DMD: variants seen among roughly 807,000 people sequenced by gnomAD.
DMD encodes the protein mutant dystrophin.
A neutral mutation model predicts 330.1 loss-of-function variants in DMD; 63 were observed. That is an observed-to-expected ratio of 0.19 (90% CI 0.16 to 0.24). DMD has a LOEUF of 0.24. DMD is among the 10% of genes least tolerant of loss of function. The pLI is 1.00. For missense variants in DMD, 3,344 were observed against 2,684.1 expected (o/e 1.25, Z -5.43); for synonymous variants, 1,223 against 959.8 (o/e 1.27, Z -5.07).
Position 31,445,396 on chromosome X carries a change from GAATATATATTCTTA to G in DMD, c.8938-783_8938-770del, listed in dbSNP as rs1209759076. On this transcript the variant is annotated intron_variant, in intron 59 of 78. Transcript: ENST00000357033. The stretch of plus-strand genomic sequence containing the variant: ...CTATATGCAGGTTTGCCTGCCTCTA[GAATATATATTCTTA>G]ACTATTATGTTATATGCTTCCCCTA... Among the ~76,000 whole-genome samples, 3 of 111,585 alleles carry G rather than the reference GAATATATATTCTTA, an allele frequency of 2.7e-5. No homozygotes were observed. The East Asian group carries it at 8.4e-4, about 31-fold the overall frequency.
chrX:32,636,275 G>A (rs966812947), intron 11 of DMD, among the ~76,000 whole-genome samples: 1 of 111,663 alleles, frequency 9.0e-6, no homozygotes, highest in African/African-American at 3.3e-5. Context: ...CCCACTAATT[G>A]CCATAGTTAT....
intron 25 of DMD, among the ~76,000 whole-genome samples, chrX:32,461,605 T>A (rs924950055): frequency 4.5e-5 from 5 of 110,693 alleles, no homozygotes; most frequent in African/African-American, 1.6e-4. Flanking sequence ...ATTGTACTCC[T>A]GTAAAATGTA....
chrX:31,512,259 G>A (rs1416701412), intron 55 of DMD, among the ~76,000 whole-genome samples: 12 of 108,179 alleles, frequency 1.1e-4, no homozygotes, highest in South Asian at 8.1e-4. Context: ...AGTAGGTTGC[G>A]AAAATTTTCT....
chrX:32,464,553 AT>A, intron 24 of DMD, 32 bp downstream of exon 24: 1 of 1,017,611 alleles, frequency 9.8e-7, no homozygotes, highest in Non-Finnish European at 1.4e-6. Flanking sequence ...ATACAAAATT[AT>A]TCATATTAAA....
chrX:32,604,418 A>G (rs1382255958), intron 12 of DMD, among the ~76,000 whole-genome samples: 4 of 110,387 alleles, frequency 3.6e-5, no homozygotes, highest in African/African-American at 1.3e-4. Flanking sequence ...CAAAAGTCAT[A>G]TATGACAAAC....
chrX:32,483,452 C>G (rs2042118127), intron 21 of DMD, among the ~76,000 whole-genome samples: 1 of 107,553 alleles, frequency 9.3e-6, no homozygotes, highest in African/African-American at 3.3e-5. Context: ...TCTCAGTTAT[C>G]AAACATTGCT....
chrX:31,499,095 A>T (rs758373205), intron 56 of DMD, among the ~76,000 whole-genome samples: 27 of 112,069 alleles, frequency 2.4e-4, no homozygotes, highest in Non-Finnish European at 5.6e-5. Context: ...ATTGAAAAGT[A>T]GGTGGAGAGA....
chrX:33,090,543 A>G (rs2095071616), intron 1 of DMD, among the ~76,000 whole-genome samples: 1 of 109,356 alleles, frequency 9.1e-6, no homozygotes, highest in Admixed American at 1.0e-4. Context: ...GGCTTAATTG[A>G]GCATTTGACT....
intron 55 of DMD, among the ~76,000 whole-genome samples, chrX:31,513,803 G>T (rs2071905645): frequency 9.0e-6 from 1 of 111,450 alleles, no homozygotes; most frequent in Non-Finnish European, 1.9e-5. Context: ...ATATACATGA[G>T]CTCATTTTCT....
chrX:32,740,843 T>C (rs2069162272), intron 7 of DMD, among the ~76,000 whole-genome samples: 1 of 111,662 alleles, frequency 9.0e-6, no homozygotes, highest in Non-Finnish European at 1.9e-5. Context: ...AAGGTTGGCA[T>C]TGAATTCTCA....
rs896398773 is a variant in DMD, at chrX:32,744,890, G to C, written c.650-45597C>G. Among the ~76,000 whole-genome samples the C allele has an allele frequency of 2.7e-5, 3 of 111,942 alleles. No homozygotes were observed. In the Admixed American group the frequency reaches 2.9e-4, roughly 11 times the overall value. ...CAGGATCATTGGCTCATTATCTTCA[G>C]GGCAGTGATGCGGGGTGGGAGAGTT... On this transcript the variant is annotated intron_variant, in intron 7 of 78. Transcript: ENST00000357033.
chrX:31,125,930 A>G (rs2033597239), intron 78 of DMD, among the ~76,000 whole-genome samples: 1 of 112,067 alleles, frequency 8.9e-6, no homozygotes, highest in Admixed American at 9.4e-5. Flanking sequence ...CTTTCAAATG[A>G]GAGTTAAGAG....
At chrX:31,821,307 A>G (rs1404988653) in intron 49 of DMD, among the ~76,000 whole-genome samples, 1 of 112,687 alleles carries the variant, frequency 8.9e-6, no homozygotes, top group African/African-American at 3.2e-5. Flanking sequence ...GTGGAGCCCA[A>G]TAATTTGCAT....
intron 18 of DMD, among the ~76,000 whole-genome samples, chrX:32,516,209 C>G (rs905266949): frequency 8.9e-6 from 1 of 111,831 alleles, no homozygotes; most frequent in Non-Finnish European, 1.9e-5. Flanking sequence ...GATACCTAAA[C>G]TGAATATCCA....
intron 7 of DMD, among the ~76,000 whole-genome samples, chrX:32,800,100 C>A (rs1415464030): frequency 1.8e-5 from 2 of 112,001 alleles, no homozygotes; most frequent in Non-Finnish European, 3.8e-5. Context: ...TAGCTTCAAT[C>A]CCCCAATAAT....
At chrX:32,849,185 C>G (rs1044599172) in intron 3 of DMD, among the ~76,000 whole-genome samples, 2 of 111,648 alleles carry the variant, frequency 1.8e-5, no homozygotes, top group East Asian at 2.8e-4. Context: ...TTCTTTCCCC[C>G]CCCAGTGTAA....
chrX:32,922,061 C>T (rs368885677), intron 2 of DMD, among the ~76,000 whole-genome samples: 1 of 110,755 alleles, frequency 9.0e-6, no homozygotes, highest in East Asian at 2.8e-4. Flanking sequence ...TTGGTAAATG[C>T]ATCACCAAGG....
At chrX:32,556,012 C>T (rs1191524607) in intron 16 of DMD, among the ~76,000 whole-genome samples, 1 of 111,968 alleles carries the variant, frequency 8.9e-6, no homozygotes, top group Non-Finnish European at 1.9e-5. Context: ...GCAAAATAAA[C>T]TACCGTCAGA....
chrX:31,444,735 T>C (rs2065164421), intron 59 of DMD, 108 bp from the exon 60 acceptor site: 5 of 853,848 alleles, frequency 5.9e-6, no homozygotes, highest in Middle Eastern at 3.2e-4. Flanking sequence ...ATGTTTGCTC[T>C]ATGCTACGGT....
Sources: gnomAD v4.1 joint callset for allele counts (sites outside exome capture counted in the v4.1 genomes callset) on GRCh38, gnomAD v4.1.1 for gene constraint, MANE v1.5 for transcripts, NCBI Gene and HGNC (gene_info 2026-07-23, HGNC 2026-07-21) for gene names.